The following ST6GALNAC2 variants were observed in gnomAD, a reference collection of about 807,000 sequenced individuals.
The protein encoded by ST6GALNAC2 is alpha-N-acetylgalactosaminide alpha-2,6-sialyltransferase 2.
ST6GALNAC2 carries 42 observed loss-of-function variants against 38.7 expected under a neutral mutation model. That is an observed-to-expected ratio of 1.09 (90% CI 0.85 to 1.40). The LOEUF (loss-of-function observed/expected upper bound fraction) is 1.40. Among genes scored for constraint, ST6GALNAC2 ranks in the 40% most tolerant of loss-of-function variants. The probability of loss-of-function intolerance (pLI) is 0.00; values close to 1 mark genes in which losing one functional copy is unlikely to be tolerated. For synonymous variants in ST6GALNAC2, 233 were observed against 209.0 expected (o/e 1.11, Z -0.99); for missense variants, 506 against 481.7 (o/e 1.05, Z -0.47).
At chr17:76,579,174 C>T (rs2075449396) in intron 1 of ST6GALNAC2, among the ~76,000 whole-genome samples, 1 of 152,240 alleles carries the variant, frequency 6.6e-6, no homozygotes, top group South Asian at 2.1e-4. Flanking sequence ...CCACCTTGGC[C>T]TTCCAAAGTG....
chr17:76,566,144 TCCC>T lies in ST6GALNAC2; in HGVS notation c.1082_1084del (p.Arg361_Asp362delinsAsn). Reference sequence around the variant, plus strand: ...CTGAAGGATGCCGGCCTTGTGCAGGTCCCTCCACAGGGCAGCTTCCAGGGACAG... The same window carrying T: ...CTGAAGGATGCCGGCCTTGTGCAGGTTCCACAGGGCAGCTTCCAGGGACAG... On this transcript the variant is annotated inframe_deletion, in exon 9 of 9. Coordinates refer to ENST00000225276, the MANE Select transcript of ST6GALNAC2 (RefSeq NM_006456.3). The T allele has an allele frequency of 6.2e-7, 1 of 1,614,106 alleles. No individual in the cohort carries two copies. The highest frequency in any genetic ancestry group is 8.5e-7 in the Non-Finnish European group (1 of 1,180,018).
At chr17:76,575,084 G>A (rs1470460950) in intron 2 of ST6GALNAC2, among the ~76,000 whole-genome samples, 1 of 152,142 alleles carries the variant, frequency 6.6e-6, no homozygotes, top group Non-Finnish European at 1.5e-5. Context: ...TGGCCTGGTG[G>A]TTCTGGCCTC....
rs946992886 is a variant in ST6GALNAC2, at chr17:76,585,849, G to C, written c.-41C>G. 8 of 1,512,310 alleles carry C rather than the reference G, an allele frequency of 5.3e-6. No homozygotes were observed. In the Middle Eastern group the frequency reaches 6.3e-4, roughly 119 times the overall value. 93.7% of individuals were successfully genotyped at this position (1,512,310 alleles called of 1,614,324 possible). A position where few individuals can be genotyped will look rare whatever the true frequency, so the allele number is the denominator to read the frequency against. On this transcript the variant is annotated 5_prime_UTR_variant, in exon 1 of 9. Transcript: ENST00000225276. ...GAGCGCCCCGTCCGCTGACGTCCCA[G>C]GCAGAAGGGAGAGAACCGGGTGGGC...
intron 2 of ST6GALNAC2, among the ~76,000 whole-genome samples, chr17:76,576,389 G>T (rs553732391): frequency 2.3e-4 from 35 of 152,340 alleles, no homozygotes; most frequent in Non-Finnish European, 3.8e-4. Context: ...TTTTACTGAT[G>T]TCCCGTGGTT....
intron 7 of ST6GALNAC2, 51 bp from the exon 8 acceptor site, chr17:76,567,603 C>T (rs775434893): frequency 5.2e-5 from 62 of 1,186,870 alleles, no homozygotes; most frequent in Non-Finnish European, 7.1e-5. Flanking sequence ...GCTATCATCA[C>T]ACTTCACAAC....
chr17:76,576,682 A>C (rs1228497968), intron 2 of ST6GALNAC2, among the ~76,000 whole-genome samples: 1 of 152,086 alleles, frequency 6.6e-6, no homozygotes, highest in Non-Finnish European at 1.5e-5. Context: ...ACTCAAAAAA[A>C]AATCCAGGCC....
chr17:76,585,673 G>A lies in ST6GALNAC2; in HGVS notation c.125+11C>T, dbSNP rs1247922196. ...CCTGCGCCCTCCCGCTCTGCGCTCG[G>A]CAGCCCCTACCTGGCTCCGGCCGCT... On this transcript the variant is annotated intron_variant, in intron 1 of 8. Transcript: ENST00000225276. 6.6e-7 allele frequency: 1 copy of A among 1,521,098 alleles called. No individual in the cohort carries two copies. Among genetic ancestry groups the A allele is most frequent in the Non-Finnish European group, 8.8e-7 (1 of 1,139,808 alleles). 94.2% of individuals were successfully genotyped at this position (1,521,098 alleles called of 1,614,324 possible).
Position 76,566,016 on chromosome 17 carries a change from G to T in ST6GALNAC2, c.*88C>A. 2 of 1,400,948 alleles carry T rather than the reference G, an allele frequency of 1.4e-6. No individual in the cohort carries two copies. The highest frequency in any genetic ancestry group is 1.9e-6 in the Non-Finnish European group (2 of 1,033,992). The allele number at this position is 1,400,948 out of a possible 1,614,324, so 86.8% of individuals were successfully genotyped here. ...GTGCCCTCTGTTGGCAAGGGAAGGT[G>T]AAGATTGAAAAGTTAAAAAAGCTTT... On this transcript the variant is annotated 3_prime_UTR_variant, in exon 9 of 9. Coordinates refer to ENST00000225276, the MANE Select transcript of ST6GALNAC2 (RefSeq NM_006456.3).
rs1031332769 is a variant in ST6GALNAC2, at chr17:76,585,552, A to G, written c.125+132T>C. 24 of 1,064,330 alleles carry G rather than the reference A, an allele frequency of 2.3e-5. No individual in the cohort carries two copies. In the Admixed American group the frequency reaches 2.8e-4, roughly 12 times the overall value. 65.9% of individuals were successfully genotyped at this position (1,064,330 alleles called of 1,614,324 possible). On this transcript the variant is annotated intron_variant, in intron 1 of 8. Transcript: ENST00000225276. Reference sequence around the variant, plus strand: ...AAGGGCCGCGGCCGAGTCCTCGCTGAGAGCTGCCCCAGAGGGGTCCACGCG... The same window carrying G: ...AAGGGCCGCGGCCGAGTCCTCGCTGGGAGCTGCCCCAGAGGGGTCCACGCG...
Position 76,566,151 on chromosome 17 carries a change from A to G in ST6GALNAC2, c.1078T>C (p.Trp360Arg). 6.2e-7 allele frequency: 1 copy of G among 1,614,160 alleles called. No individual in the cohort carries two copies. The change falls in exon 9 of 9, where the codon TGG becomes CGG. Residue 360 changes from tryptophan (W) to arginine (R), a missense_variant. Transcript: ENST00000225276. ...ATGCCGGCCTTGTGCAGGTCCCTCC[A>G]CAGGGCAGCTTCCAGGGACAGATCG... Reference protein sequence around the residue: ...NHDLSLEAALWRDLHKAGILQ... With the variant: ...NHDLSLEAALRRDLHKAGILQ...
intron 1 of ST6GALNAC2, among the ~76,000 whole-genome samples, chr17:76,580,452 T>C (rs1023842311): frequency 2.0e-5 from 3 of 148,892 alleles, no homozygotes; most frequent in Non-Finnish European, 3.0e-5. Flanking sequence ...TCCCAGCACT[T>C]TGGGAGGCCT....
chr17:76,578,136 C>T (rs937283682), intron 2 of ST6GALNAC2, among the ~76,000 whole-genome samples: 3 of 152,030 alleles, frequency 2.0e-5, no homozygotes, highest in African/African-American at 4.8e-5. Context: ...GAGGTTGTAT[C>T]GCGCAATGGT....
chr17:76,574,247 G>A (rs2075386792), intron 3 of ST6GALNAC2, 118 bp downstream of exon 3: 2 of 1,212,650 alleles, frequency 1.6e-6, no homozygotes, highest in Non-Finnish European at 2.3e-6. Flanking sequence ...GAGGAGAGAG[G>A]GGGACAGGGA....
At chr17:76,570,096 C>T (rs186146756) in intron 6 of ST6GALNAC2, 142 of 168,930 alleles carry the variant, frequency 8.4e-4, no homozygotes, top group African/African-American at 9.0e-4. Context: ...TCTGCTCTCC[C>T]GTTTCATGGG....
Position 76,573,237 on chromosome 17 carries a change from G to C in ST6GALNAC2, c.488C>G (p.Ser163Cys). ...VVGNGGILNG[S>C]RQGPNIDAHD... Reference sequence around the variant, plus strand: ...GGCATCGATGTTGGGACCCTGGCGGGACCCATTCAGAATGCCTCCGTTGCC... The same window carrying C: ...GGCATCGATGTTGGGACCCTGGCGGCACCCATTCAGAATGCCTCCGTTGCC... The change falls in exon 4 of 9, where the codon TCC becomes TGC. Residue 163 changes from serine (S) to cysteine (C), a missense_variant. Coordinates refer to ENST00000225276, the MANE Select transcript of ST6GALNAC2 (RefSeq NM_006456.3). The surrounding 1 kb of genome is among the most constrained non-coding windows in gnomAD (Gnocchi z 5.1). 1 of 1,613,548 alleles carries C rather than the reference G, an allele frequency of 6.2e-7. No homozygotes were observed. Among genetic ancestry groups the C allele is most frequent in the Non-Finnish European group, 8.5e-7 (1 of 1,179,828 alleles).
chr17:76,583,325 G>A (rs556889593), intron 1 of ST6GALNAC2, among the ~76,000 whole-genome samples: 7 of 139,572 alleles, frequency 5.0e-5, no homozygotes, highest in African/African-American at 1.3e-4. Flanking sequence ...GCAGTGAGCC[G>A]AGATGGGGCC....
Position 76,574,464 on chromosome 17 carries a change from T to C in ST6GALNAC2, c.262A>G (p.Ile88Val). ...PHFRGLFNLS[I>V]PVLLWGDLFT... ...AGGTCCCCCCACAGCAGCACTGGAA[T>C]GGAGAGATTGAACAGGCCACGGAAG... Residue 88 changes from isoleucine to valine, a missense_variant, in exon 3 of 9, where the codon ATT becomes GTT. Ile to Val is a conservative substitution (Grantham distance 29). Coordinates refer to ENST00000225276, the MANE Select transcript of ST6GALNAC2 (RefSeq NM_006456.3). The C allele has an allele frequency of 6.2e-7, 1 of 1,613,314 alleles. No homozygotes were observed. Among genetic ancestry groups the C allele is most frequent in the Non-Finnish European group, 8.5e-7 (1 of 1,179,866 alleles).
chr17:76,567,382 CA>C, intron 8 of ST6GALNAC2, 70 bp downstream of exon 8: 1 of 1,130,000 alleles, frequency 8.8e-7, no homozygotes, highest in South Asian at 1.2e-5. Flanking sequence ...TAAGGGATAT[CA>C]GGGGATCCTG....
chr17:76,568,420 G>GCTGACGGCGCCACTGCTC, intron 7 of ST6GALNAC2: 1 of 467,260 alleles, frequency 2.1e-6, no homozygotes, highest in South Asian at 2.9e-5. Flanking sequence ...CGCCACTGCT[G>GCTGACGGCGCCACTGCTC]CTGTGCACCT....
Sources: allele counts gnomAD v4.1 joint callset (sites outside exome capture counted in the v4.1 genomes callset), GRCh38; gene constraint gnomAD v4.1.1; non-coding constraint Gnocchi (gnomAD v3.1); transcripts MANE v1.5; gene names NCBI Gene and HGNC (gene_info 2026-07-23, HGNC 2026-07-21).